ENOX1: variants seen among roughly 807,000 people sequenced by gnomAD.
ENOX1 encodes ecto-NOX disulfide-thiol exchanger 1, also known as candidate growth-related and time keeping constitutive hydroquinone (NADH) oxidase.
A neutral mutation model predicts 82.5 loss-of-function variants in ENOX1; 42 were observed. The observed-to-expected ratio is 0.51, with a 90% confidence interval of 0.40 to 0.66. The LOEUF (loss-of-function observed/expected upper bound fraction) is 0.66, where lower values mean the gene tolerates loss of function less well. ENOX1 is among the 30% of genes least tolerant of loss of function. The pLI, the probability that ENOX1 is intolerant of heterozygous loss-of-function variation, is 0.00. For missense variants in ENOX1, 608 were observed against 811.6 expected, an observed-to-expected ratio of 0.75 and a Z score of 3.05; for synonymous variants, 271 against 282.2, an observed-to-expected ratio of 0.96 and a Z score of 0.40.
chr13:43,340,970 A>G (rs2153541964), intron 9 of ENOX1, among the ~76,000 whole-genome samples: 1 of 152,208 alleles, frequency 6.6e-6, no homozygotes. Context: ...TGAAATCACT[A>G]CTCATTTGGA....
chr13:43,298,982 C>G (rs569191891), intron 11 of ENOX1, among the ~76,000 whole-genome samples: 2 of 152,164 alleles, frequency 1.3e-5, no homozygotes, highest in Admixed American at 1.3e-4. Flanking sequence ...TTGAGACATG[C>G]GGCAGCATCC....
At chr13:43,773,361 G>A (rs1372839892) in intron 1 of ENOX1, among the ~76,000 whole-genome samples, 2 of 151,974 alleles carry the variant, frequency 1.3e-5, no homozygotes, top group Admixed American at 1.3e-4. Flanking sequence ...TTTTTTACAT[G>A]GCAGACAAAA....
At chr13:43,385,727 A>G in intron 5 of ENOX1, among the ~76,000 whole-genome samples, 1 of 152,218 alleles carries the variant, frequency 6.6e-6, no homozygotes, top group East Asian at 1.9e-4. Context: ...GATTAAACAC[A>G]TTCGTTTATA....
chr13:43,343,245 C>T (rs954959686), intron 9 of ENOX1, among the ~76,000 whole-genome samples: 4 of 152,208 alleles, frequency 2.6e-5, no homozygotes, highest in African/African-American at 9.7e-5. Context: ...TTCTCTTCTT[C>T]CCTCCTTTAA....
At chr13:43,222,868 G>A (rs2041860218) in intron 16 of ENOX1, among the ~76,000 whole-genome samples, 1 of 152,224 alleles carries the variant, frequency 6.6e-6, no homozygotes, top group Admixed American at 6.5e-5. Context: ...CTGTGCATGT[G>A]AGGGGAAACC....
chr13:43,383,292 T>C (rs376172018), intron 5 of ENOX1, among the ~76,000 whole-genome samples: 15 of 152,232 alleles, frequency 9.9e-5, no homozygotes, highest in South Asian at 6.2e-4. Context: ...TCCCAACTTG[T>C]TAAATTTCAA....
chr13:43,704,647 A>C (rs2087135197), intron 1 of ENOX1, among the ~76,000 whole-genome samples: 1 of 152,172 alleles, frequency 6.6e-6, no homozygotes, highest in South Asian at 2.1e-4. Flanking sequence ...ACAACGAAGA[A>C]ATGCGTAGAA....
At position 43,231,189 on chromosome 13, in the gene ENOX1, T is replaced by C. The variant is rs568291402; in HGVS notation, c.1714+5447A>G. Among the ~76,000 whole-genome samples the C allele has an allele frequency of 2.6e-5, 4 of 152,320 alleles. No individual in the cohort carries two copies. In the East Asian group the frequency reaches 5.8e-4, roughly 22 times the overall value. On this transcript the variant is annotated intron_variant, in intron 15 of 16. Coordinates refer to ENST00000690772, the MANE Select transcript of ENOX1 (RefSeq NM_001347969.2). ...CTGGGAATTACCAGAGGCCTGACCA[T>C]AAACCAGCCTGAAATAGTCTTGTTT... is the stretch of plus-strand genomic sequence containing the variant.
intron 1 of ENOX1, among the ~76,000 whole-genome samples, chr13:43,766,732 C>T (rs983604408): frequency 1.3e-5 from 2 of 152,080 alleles, no homozygotes; most frequent in African/African-American, 4.8e-5. Flanking sequence ...TAGACACAGA[C>T]AAGGTCAAGC....
At chr13:43,267,167 T>G (rs1363753441) in intron 13 of ENOX1, among the ~76,000 whole-genome samples, 1 of 152,186 alleles carries the variant, frequency 6.6e-6, no homozygotes, top group East Asian at 1.9e-4. Context: ...GGACAGCTGC[T>G]GCTTTGTTCT....
At chr13:43,462,677 G>T (rs949920857) in intron 3 of ENOX1, among the ~76,000 whole-genome samples, 1 of 152,196 alleles carries the variant, frequency 6.6e-6, no homozygotes, top group African/African-American at 2.4e-5. Context: ...AGCAAATAAA[G>T]TTTATGTTTG....
Position 43,356,141 on chromosome 13 carries a change from G to A in ENOX1, c.601C>T (p.Arg201Ter). ...TTTTTGTCGGTGCTAGACCCTAATC[G>A]CATCCTATAACCTGAAACCAATGGA... is the stretch of plus-strand genomic sequence containing the variant. ...KAIYLSGYRM[R>*]LGSSTDKKDS... is the part of the protein sequence containing the mutation. Residue 201 changes from arginine (R) to a stop codon, truncating the protein, a stop_gained, in exon 8 of 17, where the codon CGA becomes TGA. Coordinates refer to ENST00000690772, the MANE Select transcript of ENOX1 (RefSeq NM_001347969.2). LOFTEE classifies it high-confidence loss of function. 3.1e-6 allele frequency: 5 copies of A among 1,613,854 alleles called. No individual in the cohort carries two copies. The highest frequency in any genetic ancestry group is 2.2e-5 in the East Asian group (1 of 44,846).
At chr13:43,526,124 T>C (rs1215314884) in intron 2 of ENOX1, among the ~76,000 whole-genome samples, 2 of 152,176 alleles carry the variant, frequency 1.3e-5, no homozygotes, top group Non-Finnish European at 2.9e-5. Context: ...TACAACAATA[T>C]AGTGTACTAT....
chr13:43,224,202 T>C, intron 15 of ENOX1, 64 bp from the exon 16 acceptor site: 2 of 1,304,920 alleles, frequency 1.5e-6, no homozygotes. Flanking sequence ...GGTTAAATAA[T>C]GCTGTCTAAT....
At chr13:43,735,162 T>C (rs998012679) in intron 1 of ENOX1, among the ~76,000 whole-genome samples, 7 of 152,214 alleles carry the variant, frequency 4.6e-5, no homozygotes, top group Admixed American at 4.6e-4. Flanking sequence ...TACCATGTTA[T>C]AAAATCCCCA....
intron 9 of ENOX1, among the ~76,000 whole-genome samples, chr13:43,333,089 T>G (rs1000668550): frequency 1.3e-5 from 2 of 152,264 alleles, no homozygotes; most frequent in Non-Finnish European, 2.9e-5. Context: ...TCACTTAATA[T>G]ATCTTGGAAA....
chr13:43,230,068 G>C (rs1020728312), intron 15 of ENOX1, among the ~76,000 whole-genome samples: 2 of 152,114 alleles, frequency 1.3e-5, no homozygotes, highest in African/African-American at 4.8e-5. Context: ...AAGACTGAAG[G>C]CTGGAGAAGC....
chr13:43,676,104 T>A (rs143485246), intron 1 of ENOX1, among the ~76,000 whole-genome samples: 19 of 152,254 alleles, frequency 1.2e-4, no homozygotes, highest in African/African-American at 4.3e-4. Context: ...TCCTCATGAA[T>A]GGAAGAAACA....
intron 3 of ENOX1, 63 bp downstream of exon 3, chr13:43,483,946 C>T (rs2058600319): frequency 1.1e-6 from 1 of 916,326 alleles, no homozygotes; most frequent in African/African-American, 1.8e-5. Flanking sequence ...AAATATTTTC[C>T]ATTAAAAAAT....
Sources: gnomAD v4.1 joint callset for allele counts (sites outside exome capture counted in the v4.1 genomes callset) on GRCh38, gnomAD v4.1.1 for gene constraint, MANE v1.5 for transcripts, NCBI Gene and HGNC (gene_info 2026-07-23, HGNC 2026-07-21) for gene names.